Variants in RIN2 observed in about 807,000 individuals in gnomAD.
RIN2 encodes RAB5 interacting protein 2.
In RIN2, 36 loss-of-function variants were observed where a neutral mutation model predicts 78.0. The observed-to-expected ratio is 0.46, with a 90% CI of 0.35 to 0.61. The LOEUF is 0.61. Among genes scored for constraint, RIN2 ranks in the 20% least tolerant of loss-of-function variants. The pLI is 0.00. For synonymous variants in RIN2, 466 were observed against 466.8 expected (o/e 1.00, Z 0.02); for missense variants, 1,087 against 1,159.7 (o/e 0.94, Z 0.91).
At chr20:19,824,553 A>G (rs112032177) in intron 2 of RIN2, among the ~76,000 whole-genome samples, 63 of 152,088 alleles carry the variant, frequency 4.1e-4, no homozygotes, top group Admixed American at 1.0e-3. Context: ...GGCAGTTTGC[A>G]TTAGTAATTT....
At chr20:19,879,535 T>A (rs573825578) in intron 2 of RIN2, among the ~76,000 whole-genome samples, 50 of 152,348 alleles carry the variant, frequency 3.3e-4, no homozygotes, top group African/African-American at 1.2e-3. Flanking sequence ...CTATCTGTTC[T>A]CCGGCCCACT....
At chr20:19,918,442 G>A (rs2039775914) in intron 3 of RIN2, among the ~76,000 whole-genome samples, 1 of 151,506 alleles carries the variant, frequency 6.6e-6, no homozygotes, top group Admixed American at 6.6e-5. Flanking sequence ...CATTAAAGCT[G>A]GCTCCAAATG....
chr20:19,992,358 A>G (rs1461303842), intron 11 of RIN2, 59 bp downstream of exon 11: 5 of 1,475,858 alleles, frequency 3.4e-6, no homozygotes, highest in Admixed American at 4.6e-5. Flanking sequence ...TTTTTTTATA[A>G]TTGAGACGAA....
rs1157795340 is a variant in RIN2, at chr20:19,960,807, A to G, written c.459A>G (p.Thr153=). ...PLKEFAIKES[T]YTFSLEGSGI... ...AGGAATTTGCCATAAAGGAAAGCAC[A>G]TACAGTAAGTGGTCATTGGATGCTC... The change falls in exon 6 of 13, where the codon ACA becomes ACG. Residue 153 remains threonine (T), a synonymous_variant. Coordinates refer to ENST00000255006, the MANE Select transcript of RIN2 (RefSeq NM_018993.4). 8 of 1,583,874 alleles carry G rather than the reference A, an allele frequency of 5.1e-6. No homozygotes were observed. In the South Asian group the frequency reaches 9.2e-5, roughly 18 times the overall value.
rs922055445 is a variant in RIN2 at position 19,832,008 on chromosome 20, C to T, written c.-37+32261C>T. On this transcript the variant is annotated intron_variant, in intron 2 of 12. Coordinates refer to ENST00000255006, the MANE Select transcript of RIN2 (RefSeq NM_018993.4). ...ATGATAGCAGATCTTACACAGTGTT[C>T]GCCATGTACCTGGCAGTGTTCCAAG... Among the ~76,000 whole-genome samples, 12 of 152,112 alleles carry T rather than the reference C, an allele frequency of 7.9e-5. No homozygotes were observed. In the East Asian group the frequency reaches 9.7e-4, roughly 12 times the overall value.
At chr20:19,989,962 C>CT in intron 9 of RIN2, 44 bp from the exon 10 acceptor site, 1 of 1,471,640 alleles carries the variant, frequency 6.8e-7, no homozygotes, top group South Asian at 1.5e-5. Context: ...TGCATTTCTT[C>CT]TTTCTTCAGA....
intron 3 of RIN2, among the ~76,000 whole-genome samples, chr20:19,893,452 A>G (rs1474615253): frequency 6.6e-6 from 1 of 152,040 alleles, no homozygotes; most frequent in East Asian, 1.9e-4. Context: ...CCTCTTTTTC[A>G]TCATTATCCT....
chr20:19,900,152 C>A (rs1470249055), intron 3 of RIN2, among the ~76,000 whole-genome samples: 1 of 152,076 alleles, frequency 6.6e-6, no homozygotes, highest in Non-Finnish European at 1.5e-5. Context: ...GTGAGGGAGG[C>A]CAGAAATCTA....
chr20:19,804,693 C>T (rs2035351055), intron 2 of RIN2, among the ~76,000 whole-genome samples: 1 of 152,104 alleles, frequency 6.6e-6, no homozygotes, highest in Admixed American at 6.5e-5. Flanking sequence ...GTTTTGGTAT[C>T]AGGATTATGC....
chr20:19,764,916 G>GT (rs1568731017), intron 1 of RIN2, among the ~76,000 whole-genome samples: 64 of 35,354 alleles, frequency 1.8e-3, no homozygotes, highest in South Asian at 6.2e-3. Flanking sequence ...TTCACTTTCT[G>GT]CGTTTTTTTT....
At position 19,759,861 on chromosome 20, in the gene RIN2, TA is replaced by T. The variant is rs200927476; in HGVS notation, c.-163+1543del. 4.6e-5 allele frequency among the ~76,000 whole-genome samples: 7 copies of T among 150,812 alleles called. No homozygotes were observed. The South Asian group carries it at 1.3e-3, about 27-fold the overall frequency. The stretch of plus-strand genomic sequence containing the variant: ...CTGGGTGACAGAGTGAAACTCTGTC[TA>T]AAAAAAAAGAACCCTGCTTCATTGT... On this transcript the variant is annotated intron_variant, in intron 1 of 12. Transcript: ENST00000255006.
intron 3 of RIN2, among the ~76,000 whole-genome samples, chr20:19,932,404 CAG>C (rs1034435789): frequency 7.2e-5 from 11 of 152,192 alleles, no homozygotes; most frequent in Non-Finnish European, 1.5e-4. Flanking sequence ...CAACAGGAAA[CAG>C]AGAAAGACAA....
chr20:19,974,546 C>T (rs1030601896), intron 8 of RIN2, 108 bp from the exon 9 acceptor site: 1 of 1,117,722 alleles, frequency 8.9e-7, no homozygotes, highest in African/African-American at 1.6e-5. Flanking sequence ...CCCCCTACCC[C>T]ACCCCGCAAG....
intron 2 of RIN2, among the ~76,000 whole-genome samples, chr20:19,801,039 G>A (rs181077001): frequency 1.3e-5 from 2 of 152,294 alleles, no homozygotes; most frequent in African/African-American, 4.8e-5. Context: ...CTCAGAGAAA[G>A]CAAACCCTTG....
intron 11 of RIN2, among the ~76,000 whole-genome samples, chr20:19,992,872 A>T (rs1601077793): frequency 6.6e-6 from 1 of 152,336 alleles, no homozygotes; most frequent in East Asian, 1.9e-4. Flanking sequence ...TTTATTTTTT[A>T]AAATTTCGTT....
chr20:19,907,038 C>T lies in RIN2; in HGVS notation c.57+17380C>T, dbSNP rs142299562. Among the ~76,000 whole-genome samples, 1,258 of 152,148 alleles carry T rather than the reference C, an allele frequency of 8.3e-3. 17 individuals carry two copies. Among genetic ancestry groups the T allele is most frequent in the African/African-American group, 0.029 (1,206 of 41,498 alleles). ...CCAAGGTTGAGGGGACTGCATTTTG[C>T]GGGGGCCTTCTTGCTGCGTCATTCC... On this transcript the variant is annotated intron_variant, in intron 3 of 12. Coordinates refer to ENST00000255006, the MANE Select transcript of RIN2 (RefSeq NM_018993.4).
intron 4 of RIN2, among the ~76,000 whole-genome samples, chr20:19,948,004 T>C (rs892502850): frequency 2.0e-5 from 3 of 152,238 alleles, no homozygotes; most frequent in African/African-American, 7.2e-5. Context: ...CCAAGCTGCT[T>C]TTGAGAAACT....
chr20:19,993,477 G>A (rs1018262392), intron 11 of RIN2, among the ~76,000 whole-genome samples: 2 of 151,950 alleles, frequency 1.3e-5, no homozygotes, highest in African/African-American at 4.8e-5. Context: ...CGGAGGGACC[G>A]CCCTCCTTGG....
At chr20:19,793,132 T>A (rs998777481) in intron 1 of RIN2, among the ~76,000 whole-genome samples, 1 of 152,204 alleles carries the variant, frequency 6.6e-6, no homozygotes, top group Non-Finnish European at 1.5e-5. Flanking sequence ...CATATGTAAT[T>A]TAAAATTTTT....
Sources: gnomAD v4.1 joint callset for allele counts (sites outside exome capture counted in the v4.1 genomes callset) on GRCh38, gnomAD v4.1.1 for gene constraint, MANE v1.5 for transcripts, NCBI Gene and HGNC (gene_info 2026-07-23, HGNC 2026-07-21) for gene names.